The following CTNS variants were observed in gnomAD, a reference collection of about 807,000 sequenced individuals.
The protein encoded by CTNS is cystinosin, lysosomal cystine transporter, also known as cystinosin.
CTNS carries 27 observed loss-of-function variants against 43.7 expected under a neutral mutation model. The observed-to-expected ratio is 0.62, with a 90% CI of 0.46 to 0.85. The LOEUF is 0.85. CTNS is among the 40% of genes least tolerant of loss of function. The pLI is 0.00. For synonymous variants in CTNS, 187 were observed against 190.6 expected, an observed-to-expected ratio of 0.98 and a Z score of 0.16; for missense variants, 457 against 475.4, an observed-to-expected ratio of 0.96 and a Z score of 0.36.
In CTNS at chr17:3,658,146, G is replaced by A. The variant is rs752869556; in HGVS notation, c.823G>A (p.Ala275Thr). 44 of 1,612,002 alleles carry A rather than the reference G, an allele frequency of 2.7e-5. 1 individual carries two copies. In the South Asian group the frequency reaches 3.3e-4, roughly 12 times the overall value. Residue 275 changes from alanine to threonine, a missense_variant, in exon 10 of 12, where the codon GCA becomes ACA. Coordinates refer to ENST00000046640, the MANE Select transcript of CTNS (RefSeq NM_004937.3). Reference protein sequence around the residue: ...FLFCFSYIKLAVTLVKYFPQA... With the variant: ...FLFCFSYIKLTVTLVKYFPQA... The stretch of plus-strand genomic sequence containing the variant: ...CTTCTGCTTCTCCTACATCAAGCTC[G>A]CAGTCACGCTGGTCAAGTATTTTCC...
intron 5 of CTNS, among the ~76,000 whole-genome samples, chr17:3,650,749 A>C (rs1364128714): frequency 6.6e-6 from 1 of 152,188 alleles, no homozygotes; most frequent in Non-Finnish European, 1.5e-5. Flanking sequence ...GTTTAGGGCC[A>C]AACATCGAAG....
intron 2 of CTNS, among the ~76,000 whole-genome samples, chr17:3,639,590 C>T (rs187484309): frequency 1.1e-4 from 16 of 151,894 alleles, no homozygotes; most frequent in Admixed American, 9.9e-4. Flanking sequence ...ATTGCTTGAA[C>T]CCAGGGGGTG....
intron 7 of CTNS, chr17:3,655,566 GA>G: frequency 2.0e-6 from 1 of 498,592 alleles, no homozygotes; most frequent in Non-Finnish European, 3.5e-6. Context: ...CCCTCCCTGG[GA>G]AAGCAGGAAA....
In CTNS at chr17:3,656,488, G is replaced by GTCATTGGTCTGA; in HGVS notation, c.464_475dup (p.Leu158_Ser159insIleIleGlyLeu). ...GTCTTGTCCCTCCACCCCCTGCAGT[G>GTCATTGGTCTGA]TCATTGGTCTGAGCTTCGACTTCGT... On this transcript the variant is annotated inframe_insertion and splice_region_variant, in exon 8 of 12. Transcript: ENST00000046640. The GTCATTGGTCTGA allele has an allele frequency of 6.3e-7, 1 of 1,590,374 alleles. No homozygotes were observed. Among genetic ancestry groups the GTCATTGGTCTGA allele is most frequent in the Non-Finnish European group, 8.5e-7 (1 of 1,173,786 alleles).
At chr17:3,643,863 G>A (rs771476165) in intron 3 of CTNS, among the ~76,000 whole-genome samples, 47 of 152,120 alleles carry the variant, frequency 3.1e-4, no homozygotes, top group African/African-American at 1.1e-3. Context: ...CACCGCACCC[G>A]GCCAAAAATT....
chr17:3,649,144 G>T (rs2075913888), intron 5 of CTNS, among the ~76,000 whole-genome samples: 2 of 152,174 alleles, frequency 1.3e-5, no homozygotes, highest in South Asian at 2.1e-4. Flanking sequence ...AGGCAAAAAT[G>T]GTTCTGGGAA....
intron 4 of CTNS, 142 bp from the exon 5 acceptor site, chr17:3,648,705 C>A (rs1206585426): frequency 1.3e-6 from 1 of 748,306 alleles, no homozygotes; most frequent in African/African-American, 1.7e-5. Context: ...CGATTTCCAC[C>A]TGGCTACCCA....
chr17:3,638,188 C>T (rs757904123), intron 2 of CTNS, among the ~76,000 whole-genome samples: 1 of 151,492 alleles, frequency 6.6e-6, no homozygotes, highest in African/African-American at 2.4e-5. Flanking sequence ...TATCTTGTAG[C>T]TTTCACAAGC....
At chr17:3,641,168 A>C (rs2075680257) in intron 3 of CTNS, among the ~76,000 whole-genome samples, 1 of 151,600 alleles carries the variant, frequency 6.6e-6, no homozygotes, top group Admixed American at 6.6e-5. Flanking sequence ...GATGGAGTTT[A>C]CACGTCCTTG....
intron 9 of CTNS, chr17:3,657,740 A>G: frequency 1.8e-6 from 1 of 551,242 alleles, no homozygotes; most frequent in Non-Finnish European, 3.3e-6. Flanking sequence ...TTGAGAGTCC[A>G]AGCAGCCTGA....
intron 5 of CTNS, among the ~76,000 whole-genome samples, chr17:3,649,390 T>TGGGGTGAG (rs2075920584): frequency 6.8e-6 from 1 of 146,672 alleles, no homozygotes; most frequent in African/African-American, 2.5e-5. Flanking sequence ...AGGCGGAGGT[T>TGGGGTGAG]GGGGTGAGCC....
At chr17:3,656,385 TGCCC>T in intron 7 of CTNS, 98 bp from the exon 8 acceptor site, 1 of 37,854 alleles carries the variant, frequency 2.6e-5, no homozygotes, top group Admixed American at 2.1e-4. Context: ...CCTCACCCTC[TGCCC>T]TGCCCCTCCA....
At chr17:3,642,102 T>C (rs1053693616) in intron 3 of CTNS, among the ~76,000 whole-genome samples, 3 of 147,634 alleles carry the variant, frequency 2.0e-5, no homozygotes, top group Admixed American at 6.8e-5. Context: ...TGTGTGTGTG[T>C]GCCTGGGTGT....
At chr17:3,653,526 C>G (rs997452459) in intron 5 of CTNS, among the ~76,000 whole-genome samples, 1 of 152,146 alleles carries the variant, frequency 6.6e-6, no homozygotes, top group Non-Finnish European at 1.5e-5. Context: ...CCAGGGGAGA[C>G]AGCTGGGTTC....
chr17:3,658,767 G>A (rs1450950144), intron 10 of CTNS, among the ~76,000 whole-genome samples: 3 of 152,222 alleles, frequency 2.0e-5, no homozygotes, highest in African/African-American at 4.8e-5. Context: ...AGCTCAGGAG[G>A]GCCAGCGTTC....
chr17:3,660,111 T>C (rs2076251751), intron 11 of CTNS, 125 bp from the exon 12 acceptor site: 2 of 1,474,910 alleles, frequency 1.4e-6, no homozygotes, highest in African/African-American at 2.8e-5. Context: ...GAGACCCACC[T>C]AGGGGCCTTC....
intron 3 of CTNS, among the ~76,000 whole-genome samples, chr17:3,642,772 G>A (rs748586825): frequency 2.6e-5 from 4 of 152,156 alleles, no homozygotes; most frequent in Non-Finnish European, 4.4e-5. Flanking sequence ...TGCCCTTGCT[G>A]TTTCTTTCTT....
chr17:3,651,980 AAAG>A lies in CTNS; in HGVS notation c.226-3015_226-3013del, dbSNP rs1048695654. On this transcript the variant is annotated intron_variant, in intron 5 of 11. Coordinates refer to ENST00000046640, the MANE Select transcript of CTNS (RefSeq NM_004937.3). Reference sequence around the variant, plus strand: ...CAGAATGAGACCCTGTCTCAAAAAAAAAGAAAAGAAAAGAAAAGTCTTTAACAA... The same window carrying A: ...CAGAATGAGACCCTGTCTCAAAAAAAAAAAGAAAAGAAAAGTCTTTAACAA... Among the ~76,000 whole-genome samples the A allele has an allele frequency of 6.1e-5, 9 of 146,810 alleles. 1 individual carries two copies. Among genetic ancestry groups the A allele is most frequent in the African/African-American group, 2.1e-4 (8 of 37,602 alleles).
chr17:3,660,515 C>T lies in CTNS; in HGVS notation c.*146C>T, dbSNP rs2076259730. 4 of 1,612,382 alleles carry T rather than the reference C, an allele frequency of 2.5e-6. No individual in the cohort carries two copies. The highest frequency in any genetic ancestry group is 2.5e-6 in the Non-Finnish European group (3 of 1,179,974). On this transcript the variant is annotated 3_prime_UTR_variant, in exon 12 of 12. Transcript: ENST00000046640. The stretch of plus-strand genomic sequence containing the variant: ...GAGGAGACCACTCTGCTCCTGGGGC[C>T]AGAGGCCATTCAATAGCCTGCCTTC...
Sources: gnomAD v4.1 joint callset for allele counts (sites outside exome capture counted in the v4.1 genomes callset) on GRCh38, gnomAD v4.1.1 for gene constraint, MANE v1.5 for transcripts, NCBI Gene and HGNC (gene_info 2026-07-23, HGNC 2026-07-21) for gene names.